TTN: variants seen among roughly 807,000 people sequenced by gnomAD.
TTN encodes connectin.
A neutral mutation model predicts 3,223.0 loss-of-function variants in TTN; 1,525 were observed. That is an observed-to-expected ratio of 0.47 (90% confidence interval 0.45 to 0.49). The LOEUF is 0.49. Among genes scored for constraint, TTN ranks in the 20% least tolerant of loss-of-function variants. The pLI, the probability that TTN is intolerant of heterozygous loss-of-function variation, is 0.00. For synonymous variants in TTN, 14,094 were observed against 15,161.0 expected (o/e 0.93, Z 5.17); for missense variants, 40,786 against 43,424.0 (o/e 0.94, Z 5.40).
Position 178,539,667 on chromosome 2 carries a change from C to T in TTN, c.98398G>A (p.Glu32800Lys). Residue 32800 changes from glutamate to lysine, a missense_variant, in exon 352 of 363, where the codon GAA (glutamate) becomes AAA (lysine). Glu to Lys is a moderately conservative substitution (Grantham distance 56). Coordinates refer to ENST00000589042, the MANE Select transcript of TTN (RefSeq NM_001267550.2). ...ATGTCATCATATTCCAGTGGCCCTT[C>T]TGGACTGTTGGGACTTCCTATCACC... is the stretch of plus-strand genomic sequence containing the variant. ...VRVIGSPNSP[E>K]GPLEYDDIQV... 5.6e-6 allele frequency: 9 copies of T among 1,613,730 alleles called. No individual in the cohort carries two copies. Among genetic ancestry groups the T allele is most frequent in the Non-Finnish European group, 7.6e-6 (9 of 1,179,794 alleles).
intron 47 of TTN, chr2:178,750,913 T>C (rs2085310671): frequency 1.2e-6 from 2 of 1,612,760 alleles, no homozygotes; most frequent in Non-Finnish European, 1.7e-6. Context: ...TATTTTCATT[T>C]ACTAGAATTT....
Position 178,540,013 on chromosome 2 carries a change from C to G in TTN, c.98099-47G>C, listed in dbSNP as rs751180081. The stretch of plus-strand genomic sequence containing the variant: ...CAATTTAGCATTTGGGGTAGGGGGA[C>G]TAAGAAATAAGTCTATGGCAATTAT... On this transcript the variant is annotated intron_variant, in intron 351 of 362. Coordinates refer to ENST00000589042, the MANE Select transcript of TTN (RefSeq NM_001267550.2). The G allele has an allele frequency of 1.9e-6, 3 of 1,602,094 alleles. No homozygotes were observed. In the Admixed American group the frequency reaches 5.1e-5, roughly 27 times the overall value.
In TTN at chr2:178,534,334, T is replaced by G. The variant is rs1414440071; in HGVS notation, c.102281A>C (p.Tyr34094Ser). ...VIRTLKHRRY[Y>S]HTLIKKDLNM... ...GAGGTCTTTCTTGATCAGGGTGTGG[T>G]AATAACGCCGGTGTTTTAATGTTCT... Residue 34094 changes from tyrosine (Y) to serine (S), a missense_variant, in exon 358 of 363, where the codon TAC becomes TCC. Transcript: ENST00000589042. 21 of 1,612,982 alleles carry G rather than the reference T, an allele frequency of 1.3e-5. No homozygotes were observed. The highest frequency in any genetic ancestry group is 1.8e-5 in the Non-Finnish European group (21 of 1,179,828).
intron 127 of TTN, among the ~76,000 whole-genome samples, chr2:178,686,760 T>C (rs1232837094): frequency 2.0e-5 from 3 of 152,174 alleles, no homozygotes; most frequent in Non-Finnish European, 4.4e-5. Flanking sequence ...ACATATCTGC[T>C]CCTTACGCTG....
chr2:178,636,497 G>T lies in TTN; in HGVS notation c.41230C>A (p.His13744Asn). Residue 13744 changes from histidine to asparagine, a missense_variant, in exon 225 of 363, where the codon CAC becomes AAC. Physicochemically the swap from His to Asn is moderately conservative, Grantham distance 68. Transcript: ENST00000589042. This position sits in a 1 kb window ranked among gnomAD's most constrained non-coding sequence, Gnocchi z 4.3. ...FIADGKDRKL[H>N]IIDVQLSDAG... ...TCGGAAAGTTGAACATCAATGATGT[G>T]CAGCTTTCTGTCTTTACCATCTGCA... is the stretch of plus-strand genomic sequence containing the variant. The T allele has an allele frequency of 6.2e-7, 1 of 1,613,386 alleles. No homozygotes were observed. Among genetic ancestry groups the T allele is most frequent in the Non-Finnish European group, 8.5e-7 (1 of 1,179,536 alleles).
intron 128 of TTN, 41 bp from the exon 129 acceptor site, chr2:178,685,371 T>C: frequency 1.3e-6 from 2 of 1,520,668 alleles, no homozygotes; most frequent in South Asian, 1.3e-5. Flanking sequence ...AATGTCTAGA[T>C]TTCTTTTCGA....
At position 178,594,424 on chromosome 2, in the gene TTN, T is replaced by C. The variant is rs373907843; in HGVS notation, c.58070A>G (p.Tyr19357Cys). Residue 19357 changes from tyrosine (Y) to cysteine (C), a missense_variant, in exon 296 of 363, where the codon TAC becomes TGC. By Grantham distance (194) the Tyr-to-Cys change is radical. Coordinates refer to ENST00000589042, the MANE Select transcript of TTN (RefSeq NM_001267550.2). ...AACAATGTTGACAGCACTGACACGGTACTCATAGGTATCACCTTCTTTTAA... is the reference window on the plus strand; with the variant it reads ...AACAATGTTGACAGCACTGACACGGCACTCATAGGTATCACCTTCTTTTAA... ...KGLKEGDTYE[Y>C]RVSAVNIVGQ... 4.3e-6 allele frequency: 7 copies of C among 1,612,516 alleles called. No homozygotes were observed. The African/African-American group carries it at 9.4e-5, about 22-fold the overall frequency.
Position 178,573,468 on chromosome 2 carries a change from G to A in TTN, c.72664C>T (p.Pro24222Ser), listed in dbSNP as rs764364289. 2.6e-6 allele frequency: 4 copies of A among 1,510,876 alleles called. No homozygotes were observed. The highest frequency in any genetic ancestry group is 1.8e-4 in the Middle Eastern group (1 of 5,592). The allele number at this position is 1,510,876 out of a possible 1,614,324, so 93.6% of individuals were successfully genotyped here. ...EPVLAVNPYG[P>S]PDPPKNPEVT... ...TCAGGGTTTTTGGGCGGATCAGGGG[G>A]TCCATAAGGATTCACTGCAAGCACA... The change falls in exon 326 of 363, where the codon CCC (proline) becomes TCC (serine). Residue 24222 changes from proline (P) to serine (S), a missense_variant. Pro to Ser is a moderately conservative substitution (Grantham distance 74). Coordinates refer to ENST00000589042, the MANE Select transcript of TTN (RefSeq NM_001267550.2).
chr2:178,668,301 C>T (rs1577168490), intron 159 of TTN, among the ~76,000 whole-genome samples: 1 of 151,994 alleles, frequency 6.6e-6, no homozygotes, highest in Non-Finnish European at 1.5e-5. Context: ...GAAAAACTGT[C>T]TGAAAACAAT....
rs767128219 is a variant in TTN, at chr2:178,574,862, A to G, written c.71270T>C (p.Val23757Ala). 5 of 1,612,946 alleles carry G rather than the reference A, an allele frequency of 3.1e-6. No homozygotes were observed. The highest frequency in any genetic ancestry group is 4.2e-6 in the Non-Finnish European group (5 of 1,179,566). ...TTCCACTACATAGTTGCTTATTGGT[A>G]CACCACCATCGTTCTCAGGTGGGTC... The part of the protein sequence containing the change: ...SWDPPENDGG[V>A]PISNYVVEMR... Residue 23757 changes from valine (V) to alanine (A), a missense_variant, in exon 326 of 363, where the codon GTA (valine) becomes GCA (alanine). Coordinates refer to ENST00000589042, the MANE Select transcript of TTN (RefSeq NM_001267550.2).
At chr2:178,606,747 A>C (rs2054963138) in intron 278 of TTN, among the ~76,000 whole-genome samples, 1 of 151,974 alleles carries the variant, frequency 6.6e-6, no homozygotes, top group Non-Finnish European at 1.5e-5. Context: ...AATATGTCTA[A>C]ACTACTTCTA....
At chr2:178,710,552 TTCA>T (rs1199568100) in intron 98 of TTN, 80 bp downstream of exon 98, 1 of 1,456,284 alleles carries the variant, frequency 6.9e-7, no homozygotes, top group Non-Finnish European at 9.2e-7. Context: ...CTAAATTGCA[TTCA>T]TCATCATAAA....
chr2:178,632,872 G>T, intron 234 of TTN, 46 bp downstream of exon 234: 1 of 1,611,550 alleles, frequency 6.2e-7, no homozygotes, highest in Non-Finnish European at 8.5e-7. Flanking sequence ...GTATCAGGAA[G>T]TCTTGCAGAG....
At position 178,594,324 on chromosome 2, in the gene TTN, A is replaced by G. The variant is rs1421980540; in HGVS notation, c.58150+20T>C. The G allele has an allele frequency of 1.9e-6, 3 of 1,589,838 alleles. No homozygotes were observed. The highest frequency in any genetic ancestry group is 4.5e-5 in the East Asian group (2 of 44,474). Reference sequence around the variant, plus strand: ...ACAAATGTGCAAGTTTCAGAAGTATAAATTGTAGTAGACACATACCCAGCT... The same window carrying G: ...ACAAATGTGCAAGTTTCAGAAGTATGAATTGTAGTAGACACATACCCAGCT... On this transcript the variant is annotated intron_variant, in intron 296 of 362. Coordinates refer to ENST00000589042, the MANE Select transcript of TTN (RefSeq NM_001267550.2).
rs774978209 is a variant in TTN, at chr2:178,561,168, G to A, written c.84964C>T (p.Arg28322Cys). 44 of 1,613,450 alleles carry A rather than the reference G, an allele frequency of 2.7e-5. No homozygotes were observed. Among genetic ancestry groups the A allele is most frequent in the African/African-American group, 8.0e-5 (6 of 74,900 alleles). ...CTTGCAAAAACCCGGAATTCATAAC[G>A]CTGATCTTCAGTAAGTTCAGTTACT... ...FEVTELTEDQRYEFRVFARNA... is the reference protein window; with the variant it reads ...FEVTELTEDQCYEFRVFARNA... Residue 28322 changes from arginine (R) to cysteine (C), a missense_variant, in exon 326 of 363, where the codon CGT becomes TGT. By Grantham distance (180) the Arg-to-Cys change is radical (BLOSUM62 -3). Coordinates refer to ENST00000589042, the MANE Select transcript of TTN (RefSeq NM_001267550.2).
chr2:178,803,082 G>A (rs1331372520), intron 2 of TTN, among the ~76,000 whole-genome samples: 1 of 152,144 alleles, frequency 6.6e-6, no homozygotes, highest in African/African-American at 2.4e-5. Context: ...GAATGTACGA[G>A]GCACATTCAG....
chr2:178,739,857 A>G lies in TTN; in HGVS notation c.13376T>C (p.Ile4459Thr), dbSNP rs763065439. 132 of 1,613,804 alleles carry G rather than the reference A, an allele frequency of 8.2e-5. 1 individual carries two copies. In the Middle Eastern group the frequency reaches 2.8e-3, roughly 34 times the overall value. The change falls in exon 48 of 363, where the codon ATT becomes ACT. Residue 4459 changes from isoleucine (I) to threonine (T), a missense_variant. Physicochemically the swap from Ile to Thr is moderately conservative, Grantham distance 89. Transcript: ENST00000589042. The part of the protein sequence containing the change: ...KSVTEEVTII[I>T]EDVDPQMANL... ...AGCCATTTGAGGATCAACATCTTCA[A>G]TAATGATGGTTACTTCTTCTGTTAC...
Position 178,766,427 on chromosome 2 carries a change from G to C in TTN, c.9657C>G (p.Thr3219=). Residue 3219 remains threonine (T), a synonymous_variant, in exon 41 of 363, where the codon ACC becomes ACG. Transcript: ENST00000589042. ...ETRQSDAGEY[T]FVAGRNRSSV... The stretch of plus-strand genomic sequence containing the variant: ...AACTCCTGTTCCTTCCTGCCACAAA[G>C]GTGTATTCTCCTGCATCGCTCTGTC... The C allele has an allele frequency of 6.2e-7, 1 of 1,614,054 alleles. No homozygotes were observed. The highest frequency in any genetic ancestry group is 8.5e-7 in the Non-Finnish European group (1 of 1,179,948).
chr2:178,618,975 T>C, intron 250 of TTN, 122 bp from the exon 251 acceptor site: 1 of 1,354,176 alleles, frequency 7.4e-7, no homozygotes, highest in Non-Finnish European at 9.9e-7. Context: ...TACAGTAACT[T>C]TATAGCAGAG....
Sources: gnomAD v4.1 joint callset for allele counts (sites outside exome capture counted in the v4.1 genomes callset) on GRCh38, gnomAD v4.1.1 for gene constraint, Gnocchi (gnomAD v3.1) non-coding constraint, MANE v1.5 for transcripts, NCBI Gene and HGNC (gene_info 2026-07-23, HGNC 2026-07-21) for gene names.